Variants in GABRA3 observed in about 807,000 individuals in gnomAD.
The protein encoded by GABRA3 is gamma-aminobutyric acid type A receptor subunit alpha3.
GABRA3 carries 10 observed loss-of-function variants against 30.1 expected under a neutral mutation model. The observed-to-expected ratio is 0.33, with a 90% confidence interval of 0.20 to 0.56. The LOEUF (loss-of-function observed/expected upper bound fraction) is 0.56. Among genes scored for constraint, GABRA3 ranks in the 20% least tolerant of loss-of-function variants. The pLI, the probability that GABRA3 is intolerant of heterozygous loss-of-function variation, is 0.89. For missense variants in GABRA3, 233 were observed against 392.0 expected, an observed-to-expected ratio of 0.59 and a Z score of 3.42; for synonymous variants, 151 against 146.8, an observed-to-expected ratio of 1.03 and a Z score of -0.21.
At chrX:152,414,269 T>C (rs908829594) in intron 1 of GABRA3, among the ~76,000 whole-genome samples, 1 of 111,309 alleles carries the variant, frequency 9.0e-6, no homozygotes, top group Non-Finnish European at 1.9e-5. Context: ...AGTACATTCA[T>C]ACTACAGAAT....
intron 4 of GABRA3, among the ~76,000 whole-genome samples, chrX:152,271,101 T>C (rs1452855382): frequency 6.4e-5 from 7 of 109,376 alleles, no homozygotes; most frequent in Non-Finnish European, 1.3e-4. Flanking sequence ...TAGCTGAGAT[T>C]ACAGGCACCT....
chrX:152,199,820 CCCT>C (rs771115666), intron 7 of GABRA3, among the ~76,000 whole-genome samples: 2 of 109,586 alleles, frequency 1.8e-5, no homozygotes, highest in Non-Finnish European at 1.9e-5. Context: ...CTCCTTCCCT[CCCT>C]CCTTTCTGTC....
intron 5 of GABRA3, among the ~76,000 whole-genome samples, chrX:152,243,600 T>C (rs913378218): frequency 2.7e-5 from 3 of 111,831 alleles, no homozygotes; most frequent in African/African-American, 9.8e-5. Flanking sequence ...AGCTAACACC[T>C]TGCAGATGCT....
At chrX:152,284,600 G>A (rs1939257829) in intron 4 of GABRA3, 68 bp downstream of exon 4, 2 of 747,353 alleles carry the variant, frequency 2.7e-6, no homozygotes, top group Non-Finnish European at 4.0e-6. Context: ...CCCTGCCTTA[G>A]GAAAGCTCCA....
intron 5 of GABRA3, among the ~76,000 whole-genome samples, chrX:152,245,935 A>C (rs1249931795): frequency 9.0e-6 from 1 of 111,714 alleles, no homozygotes; most frequent in Non-Finnish European, 1.9e-5. Flanking sequence ...TTGTAATCCC[A>C]TCCCTGGTAT....
chrX:152,306,200 TAA>T (rs1164340297), intron 3 of GABRA3, among the ~76,000 whole-genome samples: 13 of 111,537 alleles, frequency 1.2e-4, no homozygotes, highest in African/African-American at 4.2e-4. Context: ...GGAAGTGAAA[TAA>T]AGAGACCTCT....
rs188323701 is a variant in GABRA3, at chrX:152,181,372, T to G, written c.1143+8358A>C. Among the ~76,000 whole-genome samples, 100 of 112,149 alleles carry G rather than the reference T, an allele frequency of 8.9e-4. No individual in the cohort carries two copies. In the East Asian group the frequency reaches 0.026, roughly 29 times the overall value. ...TAAAGAAATGCAACTGATTTTTGCA[T>G]GTTGACTTTGTCTCCTGCAACTTTA... On this transcript the variant is annotated intron_variant, in intron 9 of 9. Transcript: ENST00000370314.
At chrX:152,342,902 T>C (rs1940335931) in intron 3 of GABRA3, among the ~76,000 whole-genome samples, 1 of 111,557 alleles carries the variant, frequency 9.0e-6, no homozygotes, top group African/African-American at 3.3e-5. Flanking sequence ...ATGGAAACTC[T>C]GGTTGGTGAA....
chrX:152,170,950 G>A (rs1311054641), intron 9 of GABRA3, among the ~76,000 whole-genome samples: 2 of 111,989 alleles, frequency 1.8e-5, no homozygotes, highest in Non-Finnish European at 3.8e-5. Context: ...TAAAAACCTT[G>A]TAAATTATTT....
intron 3 of GABRA3, among the ~76,000 whole-genome samples, chrX:152,294,031 C>T (rs1266478628): frequency 1.8e-5 from 2 of 111,706 alleles, no homozygotes; most frequent in African/African-American, 3.3e-5. Context: ...TGTGGGTAAT[C>T]CGACCTTTCT....
chrX:152,258,498 A>G (rs192351775), intron 4 of GABRA3, among the ~76,000 whole-genome samples: 82 of 111,927 alleles, frequency 7.3e-4, no homozygotes, highest in African/African-American at 2.5e-3. Flanking sequence ...AAAATAGGGG[A>G]GAAAAAATAT....
chrX:152,260,112 T>A (rs1415417421), intron 4 of GABRA3, among the ~76,000 whole-genome samples: 1 of 110,302 alleles, frequency 9.1e-6, no homozygotes, highest in Non-Finnish European at 1.9e-5. Context: ...GGTACTCTTG[T>A]GGGGCGGTGG....
chrX:152,378,819 T>C (rs776280482), intron 1 of GABRA3, among the ~76,000 whole-genome samples: 4 of 98,224 alleles, frequency 4.1e-5, no homozygotes, highest in Non-Finnish European at 8.3e-5. Context: ...ACAGTATATA[T>C]GTTATGTAAT....
intron 3 of GABRA3, among the ~76,000 whole-genome samples, chrX:152,292,847 G>A (rs1265041929): frequency 2.7e-5 from 3 of 111,799 alleles, no homozygotes; most frequent in Admixed American, 1.9e-4. Context: ...CAGTTTCCAC[G>A]TAGCTGTGCG....
intron 2 of GABRA3, among the ~76,000 whole-genome samples, chrX:152,360,704 A>G (rs1928460621): frequency 1.1e-5 from 1 of 89,973 alleles, no homozygotes; most frequent in South Asian, 5.6e-4. Context: ...TAATAAAAAA[A>G]AAAAAATTAA....
chrX:152,319,295 T>C (rs892665142), intron 3 of GABRA3, among the ~76,000 whole-genome samples: 6 of 111,104 alleles, frequency 5.4e-5, no homozygotes, highest in Admixed American at 9.6e-5. Flanking sequence ...AAAGAACAAA[T>C]CTGGTGGCAT....
intron 3 of GABRA3, among the ~76,000 whole-genome samples, chrX:152,327,197 C>T (rs1427289941): frequency 6.4e-5 from 7 of 109,761 alleles, no homozygotes; most frequent in African/African-American, 1.4e-4. Flanking sequence ...CCCAGATTCA[C>T]AAAGCAAGCC....
At chrX:152,312,436 C>T (rs996597036) in intron 3 of GABRA3, among the ~76,000 whole-genome samples, 1 of 111,870 alleles carries the variant, frequency 8.9e-6, no homozygotes, top group Non-Finnish European at 1.9e-5. Context: ...TAGCCATATG[C>T]AGAAGATCGA....
chrX:152,220,060 T>C (rs1438132956), intron 6 of GABRA3, among the ~76,000 whole-genome samples: 1 of 111,819 alleles, frequency 8.9e-6, no homozygotes, highest in Non-Finnish European at 1.9e-5. Context: ...CTTCTAAAGT[T>C]ACTATTAATA....
Sources: allele counts gnomAD v4.1 joint callset (sites outside exome capture counted in the v4.1 genomes callset), GRCh38; gene constraint gnomAD v4.1.1; transcripts MANE v1.5; gene names NCBI Gene and HGNC (gene_info 2026-07-23, HGNC 2026-07-21).